Variants in PGD observed in about 807,000 individuals in gnomAD.
The protein encoded by PGD is 6-phosphogluconate dehydrogenase, decarboxylating.
Under a neutral mutation model 60.4 loss-of-function variants are expected in PGD, and 21 were observed. The observed-to-expected ratio is 0.35, with a 90% CI of 0.25 to 0.50. The LOEUF (loss-of-function observed/expected upper bound fraction) is 0.50. Ranked by LOEUF, PGD falls within the 20% of genes least tolerant of loss-of-function variation. The pLI is 0.98. For synonymous variants in PGD, 230 were observed against 235.9 expected, an observed-to-expected ratio of 0.97 and a Z score of 0.23; for missense variants, 477 against 613.1, an observed-to-expected ratio of 0.78 and a Z score of 2.34.
intron 1 of PGD, 67 bp from the exon 2 acceptor site, chr1:10,399,562 G>T: frequency 7.2e-7 from 1 of 1,398,274 alleles, no homozygotes; most frequent in Non-Finnish European, 1.0e-6. Flanking sequence ...TGGAAGGACC[G>T]GACCCCTGGG....
At position 10,408,131 on chromosome 1, in the gene PGD, C is replaced by T; in HGVS notation, c.510C>T (p.Cys170=). The T allele has an allele frequency of 1.3e-6, 2 of 1,588,510 alleles. No individual in the cohort carries two copies. The highest frequency in any genetic ancestry group is 2.2e-5 in the South Asian group (2 of 90,622). ...IAAKVGTGEP[C]CDWVGDEGAG... ...CAAAAGTGGGAACTGGAGAACCCTG[C>T]TGTGACTGGGCAAGTTCTGGGCTAC... Residue 170 remains cysteine (C), a synonymous_variant, in exon 6 of 13, where the codon TGC becomes TGT. Transcript: ENST00000270776.
At chr1:10,410,583 T>G (rs1232593105) in intron 6 of PGD, among the ~76,000 whole-genome samples, 1 of 152,120 alleles carries the variant, frequency 6.6e-6, no homozygotes, top group Non-Finnish European at 1.5e-5. Flanking sequence ...GTCCCTGTCA[T>G]GGAGCTGGGT....
At chr1:10,419,077 T>G in intron 11 of PGD, 152 bp downstream of exon 11, 1 of 591,378 alleles carries the variant, frequency 1.7e-6, no homozygotes, top group South Asian at 2.0e-5. Context: ...GGCATGATCT[T>G]GGCTCACTGC....
chr1:10,417,584 AGC>A (rs1230181016), intron 10 of PGD, 75 bp downstream of exon 10: 3 of 1,468,352 alleles, frequency 2.0e-6, no homozygotes, highest in Non-Finnish European at 2.8e-6. Context: ...TAGGACACTT[AGC>A]TTGAGCAGTT....
Position 10,413,087 on chromosome 1 carries a change from A to G in PGD, c.680A>G (p.Glu227Gly), listed in dbSNP as rs754908246. The change falls in exon 8 of 13, where the codon GAG (glutamate) becomes GGG (glycine). Residue 227 changes from glutamate (E) to glycine (G), a missense_variant. Coordinates refer to ENST00000270776, the MANE Select transcript of PGD (RefSeq NM_002631.4). ...AQAFEDWNKT[E>G]LDSFLIEITA... ...GCCTTTGAGGATTGGAATAAGACAG[A>G]GCTAGACTCATTCCTGATTGAAATC... 24 of 1,613,996 alleles carry G rather than the reference A, an allele frequency of 1.5e-5. No individual in the cohort carries two copies. The highest frequency in any genetic ancestry group is 1.8e-5 in the Non-Finnish European group (21 of 1,179,870).
intron 12 of PGD, 35 bp from the exon 13 acceptor site, chr1:10,419,595 G>T (rs756913508): frequency 6.8e-6 from 11 of 1,613,986 alleles, no homozygotes; most frequent in Middle Eastern, 1.6e-4. Context: ...GTGCGCCATG[G>T]ACTGTCCTGA....
chr1:10,417,890 G>A (rs1385092657), intron 10 of PGD, among the ~76,000 whole-genome samples: 1 of 152,114 alleles, frequency 6.6e-6, no homozygotes, highest in African/African-American at 2.4e-5. Context: ...TTTTGTATTT[G>A]TAGTGGAAAC....
intron 1 of PGD, chr1:10,399,351 C>T (rs2102382903): frequency 1.8e-6 from 1 of 560,486 alleles, no homozygotes; most frequent in Admixed American, 3.8e-5. Flanking sequence ...GGGCGGGTCC[C>T]TTCGAGGGCC....
intron 6 of PGD, among the ~76,000 whole-genome samples, chr1:10,408,942 T>A (rs1427752027): frequency 6.6e-6 from 1 of 152,100 alleles, no homozygotes; most frequent in Non-Finnish European, 1.5e-5. Flanking sequence ...CTTTATCTCA[T>A]ATTGTAGTTC....
chr1:10,407,962 AAGAAAG>A, intron 5 of PGD, 103 bp from the exon 6 acceptor site: 1 of 721,788 alleles, frequency 1.4e-6, no homozygotes, highest in South Asian at 1.6e-5. Flanking sequence ...AAAAAAAAAA[AAGAAAG>A]GAAAAGATAG....
intron 6 of PGD, 123 bp from the exon 7 acceptor site, chr1:10,411,295 T>C (rs1639494340): frequency 9.8e-7 from 1 of 1,020,786 alleles, no homozygotes; most frequent in East Asian, 2.5e-5. Flanking sequence ...ACTCATTTTA[T>C]ACTTGTTATT....
At chr1:10,416,913 G>A (rs1639603928) in intron 8 of PGD, 74 bp from the exon 9 acceptor site, 2 of 1,466,566 alleles carry the variant, frequency 1.4e-6, no homozygotes, top group Admixed American at 3.5e-5. Flanking sequence ...GCAGGTCACA[G>A]GGGATATGAT....
chr1:10,405,483 G>A (rs1032584233), intron 5 of PGD, among the ~76,000 whole-genome samples: 5 of 150,488 alleles, frequency 3.3e-5, no homozygotes, highest in East Asian at 2.0e-4. Flanking sequence ...TGGGCAATCC[G>A]CTTGCCCTGG....
At position 10,413,220 on chromosome 1, in the gene PGD, C is replaced by T. The variant is rs770505385; in HGVS notation, c.813C>T (p.Ala271=). Residue 271 remains alanine, a synonymous_variant, in exon 8 of 13, where the codon GCC becomes GCT. Transcript: ENST00000270776. ...KGTGKWTAIS[A]LEYGVPVTLI... Reference sequence around the variant, plus strand: ...CAGGGAAGTGGACCGCCATCTCCGCCCTGGAATACGGCGTACCCGTCACCC... The same window carrying T: ...CAGGGAAGTGGACCGCCATCTCCGCTCTGGAATACGGCGTACCCGTCACCC... 1.2e-6 allele frequency: 2 copies of T among 1,614,062 alleles called. No individual in the cohort carries two copies. Among genetic ancestry groups the T allele is most frequent in the Admixed American group, 1.7e-5 (1 of 60,008 alleles).
At chr1:10,406,078 C>T (rs1253829715) in intron 5 of PGD, among the ~76,000 whole-genome samples, 1 of 152,114 alleles carries the variant, frequency 6.6e-6, no homozygotes, top group Non-Finnish European at 1.5e-5. Context: ...TGGTCTTGAT[C>T]CCCTGATCTC....
At chr1:10,412,100 A>T (rs764854758) in intron 7 of PGD, among the ~76,000 whole-genome samples, 4 of 152,096 alleles carry the variant, frequency 2.6e-5, no homozygotes, top group African/African-American at 9.7e-5. Flanking sequence ...CACCAATTTC[A>T]TCTTATTTTT....
At chr1:10,416,955 A>C in intron 8 of PGD, 32 bp from the exon 9 acceptor site, 1 of 1,608,624 alleles carries the variant, frequency 6.2e-7, no homozygotes, top group Non-Finnish European at 8.5e-7. Flanking sequence ...CCTGACAGTA[A>C]TCTGTTTCCT....
intron 10 of PGD, among the ~76,000 whole-genome samples, chr1:10,418,022 C>T (rs1639625563): frequency 1.3e-5 from 2 of 152,140 alleles, no homozygotes; most frequent in African/African-American, 4.8e-5. Context: ...CCGCATTACA[C>T]CTACTACACT....
At position 10,408,155 on chromosome 1, in the gene PGD, A is replaced by G; in HGVS notation, c.519+15A>G. 1 of 1,507,220 alleles carries G rather than the reference A, an allele frequency of 6.6e-7. No individual in the cohort carries two copies. The highest frequency in any genetic ancestry group is 9.2e-7 in the Non-Finnish European group (1 of 1,082,256). 93.4% of individuals were successfully genotyped at this position (1,507,220 alleles called of 1,614,324 possible). A position where few individuals can be genotyped will look rare whatever the true frequency, so the allele number is the denominator to read the frequency against. On this transcript the variant is annotated intron_variant, in intron 6 of 12. Transcript: ENST00000270776. Reference sequence around the variant, plus strand: ...GCTGTGACTGGGCAAGTTCTGGGCTACTCTTTAAAGCCAATTGGCAACATG... The same window carrying G: ...GCTGTGACTGGGCAAGTTCTGGGCTGCTCTTTAAAGCCAATTGGCAACATG...
Sources: allele counts gnomAD v4.1 joint callset (sites outside exome capture counted in the v4.1 genomes callset), GRCh38; gene constraint gnomAD v4.1.1; transcripts MANE v1.5; gene names NCBI Gene and HGNC (gene_info 2026-07-23, HGNC 2026-07-21).